The following DAGLA variants were observed in gnomAD, a reference collection of about 807,000 sequenced individuals.
DAGLA encodes the protein diacylglycerol lipase-alpha.
In DAGLA, 22 loss-of-function variants were observed where a neutral mutation model predicts 102.6. That is an observed-to-expected ratio of 0.21 (90% CI 0.15 to 0.31). The LOEUF is 0.31. Among genes scored for constraint, DAGLA ranks in the 10% least tolerant of loss-of-function variants. The probability of loss-of-function intolerance (pLI) is 1.00; values close to 1 mark genes in which losing one functional copy is unlikely to be tolerated. For synonymous variants in DAGLA, 578 were observed against 628.9 expected (o/e 0.92, Z 1.21); for missense variants, 927 against 1,446.6 (o/e 0.64, Z 5.83).
chr11:61,718,495 C>T (rs198431), intron 1 of DAGLA, among the ~76,000 whole-genome samples: 1 of 151,840 alleles, frequency 6.6e-6, no homozygotes, highest in Non-Finnish European at 1.5e-5. Flanking sequence ...CCCAGCCCCC[C>T]CTCCTGTCCT....
At chr11:61,737,420 T>C in intron 14 of DAGLA, 96 bp downstream of exon 14, 1 of 1,543,418 alleles carries the variant, frequency 6.5e-7, no homozygotes. Flanking sequence ...GAGTCTGACT[T>C]CTGGTCACAT....
chr11:61,741,136 C>T (rs566531835), intron 18 of DAGLA, 26 bp from the exon 19 acceptor site: 1 of 1,591,572 alleles, frequency 6.3e-7, no homozygotes, highest in South Asian at 1.1e-5. Flanking sequence ...CTCCACCACC[C>T]CCAGCCTCCT....
At position 61,731,786 on chromosome 11, in the gene DAGLA, CTG is replaced by C. The variant is rs769669595; in HGVS notation, c.974+346_974+347del. 4.1e-4 allele frequency among the ~76,000 whole-genome samples: 62 copies of C among 152,310 alleles called. 1 individual carries two copies. The highest frequency in any genetic ancestry group is 8.4e-4 in the Non-Finnish European group (57 of 68,022). On this transcript the variant is annotated intron_variant, in intron 9 of 19. Transcript: ENST00000257215. ...GATGAGATATTGCATAACACCCACA[CTG>C]CTGCCTCCCCTCCCCTTCTGGCGTT... is the stretch of plus-strand genomic sequence containing the variant.
chr11:61,695,202 C>T (rs1042999388), intron 1 of DAGLA, among the ~76,000 whole-genome samples: 2 of 152,148 alleles, frequency 1.3e-5, no homozygotes, highest in African/African-American at 2.4e-5. Flanking sequence ...TCTGGGGAAC[C>T]GGGTGGGAGG....
intron 1 of DAGLA, among the ~76,000 whole-genome samples, chr11:61,714,529 G>A (rs181987374): frequency 1.3e-5 from 2 of 152,384 alleles, no homozygotes; most frequent in African/African-American, 2.4e-5. Flanking sequence ...CTTCAAGATC[G>A]TGAAAGAGAG....
At chr11:61,697,707 G>T (rs1205571526) in intron 1 of DAGLA, among the ~76,000 whole-genome samples, 3 of 151,830 alleles carry the variant, frequency 2.0e-5, no homozygotes, top group African/African-American at 7.3e-5. Context: ...TTTAGACAGG[G>T]TCTTGCTCTG....
intron 16 of DAGLA, 51 bp downstream of exon 16, chr11:61,738,258 C>A: frequency 6.8e-7 from 1 of 1,464,278 alleles, no homozygotes; most frequent in Non-Finnish European, 9.5e-7. Flanking sequence ...TCTGTCCCTG[C>A]CCTTGACCCC....
chr11:61,743,114 C>T (rs1296064058), intron 19 of DAGLA, among the ~76,000 whole-genome samples: 1 of 152,136 alleles, frequency 6.6e-6, no homozygotes, highest in Non-Finnish European at 1.5e-5. Context: ...CCTGTAATCT[C>T]AGCACTTTGG....
intron 1 of DAGLA, among the ~76,000 whole-genome samples, chr11:61,690,580 A>G (rs972142276): frequency 6.6e-6 from 1 of 152,184 alleles, no homozygotes; most frequent in Non-Finnish European, 1.5e-5. Flanking sequence ...GGACAGTCCC[A>G]TGGCACCCAT....
chr11:61,737,418 C>G (rs940014704), intron 14 of DAGLA, 94 bp downstream of exon 14: 4 of 1,549,010 alleles, frequency 2.6e-6, no homozygotes, highest in Non-Finnish European at 3.5e-6. Flanking sequence ...GGGAGTCTGA[C>G]TTCTGGTCAC....
intron 19 of DAGLA, among the ~76,000 whole-genome samples, chr11:61,743,289 CA>C (rs2065497467): frequency 1.3e-5 from 2 of 150,212 alleles, no homozygotes; most frequent in Non-Finnish European, 3.0e-5. Flanking sequence ...GGCGTGAACC[CA>C]GGGCGGAGCT....
chr11:61,690,533 A>G (rs2065015378), intron 1 of DAGLA, among the ~76,000 whole-genome samples: 1 of 151,896 alleles, frequency 6.6e-6, no homozygotes, highest in Non-Finnish European at 1.5e-5. Flanking sequence ...GATGGCTTCC[A>G]TTTTCTAGAC....
intron 1 of DAGLA, among the ~76,000 whole-genome samples, chr11:61,717,104 A>G (rs198433): frequency 0.63 from 96,349 of 151,970 alleles, 30,972 homozygotes; most frequent in East Asian, 0.93. Flanking sequence ...GGAGGACCCT[A>G]TGCCCCAGGG....
chr11:61,744,578 G>T lies in DAGLA; in HGVS notation c.*89G>T. ...CTGCCCCCTGCCGGGCAGCTTTAAG[G>T]ACAGACCCCCAGGGGCAGTTTAGCC... On this transcript the variant is annotated 3_prime_UTR_variant, in exon 20 of 20. Coordinates refer to ENST00000257215, the MANE Select transcript of DAGLA (RefSeq NM_006133.3). 8.5e-7 allele frequency: 1 copy of T among 1,179,234 alleles called. No homozygotes were observed. The highest frequency in any genetic ancestry group is 1.2e-6 in the Non-Finnish European group (1 of 843,412). The allele number at this position is 1,179,234 out of a possible 1,614,324, so 73.0% of individuals were successfully genotyped here.
rs2065521528 is a variant in DAGLA at position 61,744,660 on chromosome 11, C to T, written c.*171C>T. The stretch of plus-strand genomic sequence containing the variant: ...TCCGCATCCCTACCTCAGCTTAGGA[C>T]CCCCAGAGCCAAGGTGGCTGGGATC... On this transcript the variant is annotated 3_prime_UTR_variant, in exon 20 of 20. Coordinates refer to ENST00000257215, the MANE Select transcript of DAGLA (RefSeq NM_006133.3). 2 of 583,644 alleles carry T rather than the reference C, an allele frequency of 3.4e-6. No individual in the cohort carries two copies. Among genetic ancestry groups the T allele is most frequent in the Non-Finnish European group, 5.9e-6 (2 of 338,628 alleles). The allele number at this position is 583,644 out of a possible 1,614,324, so 36.2% of individuals were successfully genotyped here.
chr11:61,738,016 G>A, intron 15 of DAGLA, 119 bp from the exon 16 acceptor site: 1 of 812,722 alleles, frequency 1.2e-6, no homozygotes. Context: ...CGTGACCCTG[G>A]CTGACGTGTC....
At chr11:61,736,905 G>A (rs1770514143) in intron 13 of DAGLA, among the ~76,000 whole-genome samples, 1 of 152,246 alleles carries the variant, frequency 6.6e-6, no homozygotes, top group African/African-American at 2.4e-5. Flanking sequence ...AATGACTAGA[G>A]GGAGTGAGCC....
In DAGLA at chr11:61,746,251, T is replaced by G. The variant is rs2065538233; in HGVS notation, c.*1762T>G. The G allele has an allele frequency of 6.6e-6, 1 of 152,302 alleles. No homozygotes were observed. The highest frequency in any genetic ancestry group is 1.5e-5 in the Non-Finnish European group (1 of 68,068). The allele number at this position is 152,302 out of a possible 1,614,324, so 9.4% of individuals were successfully genotyped here. On this transcript the variant is annotated 3_prime_UTR_variant, in exon 20 of 20. Transcript: ENST00000257215. ...TCTGTAACTCCCGCCTTCACCAGAC[T>G]CAAGGACACCCTGGCCCTGCTGAGG... is the stretch of plus-strand genomic sequence containing the variant.
At chr11:61,732,160 C>T (rs954598816) in intron 9 of DAGLA, among the ~76,000 whole-genome samples, 1 of 152,160 alleles carries the variant, frequency 6.6e-6, no homozygotes, top group Admixed American at 6.5e-5. Flanking sequence ...TCATGCCAGG[C>T]AGAAGGAGGA....
Sources: gnomAD v4.1 joint callset for allele counts (sites outside exome capture counted in the v4.1 genomes callset) on GRCh38, gnomAD v4.1.1 for gene constraint, MANE v1.5 for transcripts, NCBI Gene and HGNC (gene_info 2026-07-23, HGNC 2026-07-21) for gene names.